HSPG2: variants seen among roughly 807,000 people sequenced by gnomAD.
The protein encoded by HSPG2 is basement membrane-specific heparan sulfate proteoglycan core protein.
HSPG2 carries 278 observed loss-of-function variants against 526.6 expected under a neutral mutation model. The observed-to-expected ratio is 0.53, with a 90% CI of 0.48 to 0.58. The LOEUF is 0.58. Ranked by LOEUF, HSPG2 falls within the 20% of genes least tolerant of loss-of-function variation. The probability of loss-of-function intolerance (pLI) is 0.00; values close to 1 mark genes in which losing one functional copy is unlikely to be tolerated. For synonymous variants in HSPG2, 2,465 were observed against 2,555.4 expected (o/e 0.96, Z 1.07); for missense variants, 5,354 against 6,099.5 (o/e 0.88, Z 4.07).
chr1:21,921,065 T>C (rs1644025678), intron 1 of HSPG2, among the ~76,000 whole-genome samples: 1 of 152,238 alleles, frequency 6.6e-6, no homozygotes, highest in Non-Finnish European at 1.5e-5. Flanking sequence ...TAACAATTGC[T>C]GCCATTCCCC....
In HSPG2 at chr1:21,844,300, C is replaced by T. The variant is rs777487595; in HGVS notation, c.8465-1G>A. ...CGGATGGGTGGGGCTCCACCTGGGG[C>T]TGGGGCACAGGGGAGAGGTCAGTGA... On this transcript the variant is annotated splice_acceptor_variant, in intron 64 of 96. Coordinates refer to ENST00000374695, the MANE Select transcript of HSPG2 (RefSeq NM_005529.7). LOFTEE classifies it high-confidence loss of function. The T allele has an allele frequency of 6.2e-7, 1 of 1,611,702 alleles. No homozygotes were observed. The highest frequency in any genetic ancestry group is 1.1e-5 in the South Asian group (1 of 90,988).
rs1349597305 is a variant in HSPG2 at position 21,875,263 on chromosome 1, G to A, written c.3303-261C>T. 8.3e-6 allele frequency: 5 copies of A among 600,688 alleles called. No homozygotes were observed. In the Admixed American group the frequency reaches 8.6e-5, roughly 10 times the overall value. The allele number at this position is 600,688 out of a possible 1,614,324, so 37.2% of individuals were successfully genotyped here. A position where few individuals can be genotyped will look rare whatever the true frequency, so the allele number is the denominator to read the frequency against. ...GGTCCCCAATGACAGGCTGATACAG[G>A]CTACAAGAGCCCACGGGCCTGAAAG... On this transcript the variant is annotated intron_variant, in intron 25 of 96. Coordinates refer to ENST00000374695, the MANE Select transcript of HSPG2 (RefSeq NM_005529.7).
Position 21,881,437 on chromosome 1 carries a change from C to A in HSPG2, c.1720G>T (p.Asp574Tyr), listed in dbSNP as rs763276473. The stretch of plus-strand genomic sequence containing the variant: ...AGCTGGAACTCGTGCAGGGATGGGT[C>A]GATCTGCAGCTGCGTGGAGGAGAGG... ...PPLSSTQLQI[D>Y]PSLHEFQLVD... Residue 574 changes from aspartate to tyrosine, a missense_variant, in exon 14 of 97, where the codon GAC (aspartate) becomes TAC (tyrosine). Transcript: ENST00000374695. 1.2e-6 allele frequency: 2 copies of A among 1,613,760 alleles called. No individual in the cohort carries two copies. Among genetic ancestry groups the A allele is most frequent in the Non-Finnish European group, 1.7e-6 (2 of 1,180,010 alleles).
intron 37 of HSPG2, 104 bp from the exon 38 acceptor site, chr1:21,862,219 A>T (rs1639844509): frequency 1.2e-5 from 15 of 1,289,184 alleles, no homozygotes; most frequent in Non-Finnish European, 1.4e-5. Context: ...TTGTGAACTC[A>T]TCTTAAAGAA....
Position 21,854,975 on chromosome 1 carries a change from T to C in HSPG2, c.6006A>G (p.Ser2002=), listed in dbSNP as rs984699512. Residue 2002 remains serine, a synonymous_variant, in exon 48 of 97, where the codon TCA becomes TCG. Coordinates refer to ENST00000374695, the MANE Select transcript of HSPG2 (RefSeq NM_005529.7). ...EGGSLPPQAR[S]ERTDIATLLI... is the part of the protein sequence containing the mutation. ...GCAGTGTCGCGATGTCTGTGCGCTC[T>C]GACCGGGCCTGCCGTGGGTGAGATG... The C allele has an allele frequency of 5.0e-6, 8 of 1,612,858 alleles. No individual in the cohort carries two copies. The Admixed American group carries it at 1.0e-4, about 20-fold the overall frequency.
chr1:21,841,067 G>C, intron 71 of HSPG2, 34 bp downstream of exon 71: 1 of 1,564,822 alleles, frequency 6.4e-7, no homozygotes, highest in Non-Finnish European at 8.7e-7. Context: ...CCATGGACTG[G>C]GCCTCAGACC....
chr1:21,835,640 A>G lies in HSPG2; in HGVS notation c.10356-3T>C, dbSNP rs111641374. The G allele has an allele frequency of 1.9e-6, 3 of 1,607,790 alleles. No homozygotes were observed. The highest frequency in any genetic ancestry group is 1.1e-5 in the South Asian group (1 of 90,910). On this transcript the variant is annotated splice_polypyrimidine_tract_variant and splice_region_variant and intron_variant, in intron 75 of 96. Coordinates refer to ENST00000374695, the MANE Select transcript of HSPG2 (RefSeq NM_005529.7). ...AGCTCTGGTCCAAGTTCTGGATTCTATAAAGAAAAAATAATAAGACATCAG... is the reference window on the plus strand; with the variant it reads ...AGCTCTGGTCCAAGTTCTGGATTCTGTAAAGAAAAAATAATAAGACATCAG...
At position 21,878,316 on chromosome 1, in the gene HSPG2, T is replaced by C. The variant is rs766332312; in HGVS notation, c.2618-63A>G. Reference sequence around the variant, plus strand: ...ATGGGATATACGTGGTCCGGGCAGATAGAGGAACAGTGGCTCCCCAAGGTT... The same window carrying C: ...ATGGGATATACGTGGTCCGGGCAGACAGAGGAACAGTGGCTCCCCAAGGTT... On this transcript the variant is annotated intron_variant, in intron 20 of 96. Transcript: ENST00000374695. 5 of 1,592,066 alleles carry C rather than the reference T, an allele frequency of 3.1e-6. No individual in the cohort carries two copies. The Admixed American group carries it at 5.2e-5, about 16-fold the overall frequency.
chr1:21,840,013 G>T lies in HSPG2; in HGVS notation c.9518C>A (p.Ser3173Ter). Reference protein sequence around the residue: ...LMDSHAVLQISSAKPSDAGTY... With the variant: ...LMDSHAVLQI Reference sequence around the variant, plus strand: ...GCCCGCATCTGATGGTTTAGCTGATGAAATCTGGGAGAAAGCAAGGAGGCT... The same window carrying T: ...GCCCGCATCTGATGGTTTAGCTGATTAAATCTGGGAGAAAGCAAGGAGGCT... The change falls in exon 72 of 97, where the codon TCA becomes TAA. Residue 3173 changes from serine (S) to a stop codon, truncating the protein, a stop_gained. Transcript: ENST00000374695. LOFTEE classifies it high-confidence loss of function. 1 of 1,614,204 alleles carries T rather than the reference G, an allele frequency of 6.2e-7. No individual in the cohort carries two copies. The highest frequency in any genetic ancestry group is 8.5e-7 in the Non-Finnish European group (1 of 1,180,038).
intron 33 of HSPG2, among the ~76,000 whole-genome samples, chr1:21,867,530 C>T (rs1297718779): frequency 1.3e-5 from 2 of 152,134 alleles, no homozygotes; most frequent in African/African-American, 4.8e-5. Context: ...AAAAGTAATA[C>T]CCACTTTGAA....
chr1:21,878,791 G>A, intron 18 of HSPG2, 128 bp from the exon 19 acceptor site: 1 of 1,181,226 alleles, frequency 8.5e-7, no homozygotes, highest in South Asian at 1.3e-5. Flanking sequence ...TCCCTGCCCG[G>A]CAGCCTCACA....
Position 21,822,396 on chromosome 1 carries a change from G to T in HSPG2, c.*920C>A. 1 of 641,978 alleles carries T rather than the reference G, an allele frequency of 1.6e-6. No homozygotes were observed. Among genetic ancestry groups the T allele is most frequent in the Non-Finnish European group, 2.8e-6 (1 of 360,368 alleles). 39.8% of individuals were successfully genotyped at this position (641,978 alleles called of 1,614,324 possible). A position where few individuals can be genotyped will look rare whatever the true frequency, so the allele number is the denominator to read the frequency against. ...TGGATCTTCAGGCTCCTGCAGATGGGGCAGGGTGGTCATATCCCCCTCCTC... is the reference window on the plus strand; with the variant it reads ...TGGATCTTCAGGCTCCTGCAGATGGTGCAGGGTGGTCATATCCCCCTCCTC... On this transcript the variant is annotated 3_prime_UTR_variant, in exon 97 of 97. Transcript: ENST00000374695.
rs780632606 is a variant in HSPG2, at chr1:21,839,070, G to A, written c.9905C>T (p.Thr3302Ile). 1 of 1,584,482 alleles carries A rather than the reference G, an allele frequency of 6.3e-7. No homozygotes were observed. The change falls in exon 74 of 97, where the codon ACC becomes ATC. Residue 3302 changes from threonine (T) to isoleucine (I), a missense_variant. Thr to Ile is a moderately conservative substitution (Grantham distance 89, BLOSUM62 -1). Coordinates refer to ENST00000374695, the MANE Select transcript of HSPG2 (RefSeq NM_005529.7). The surrounding 1 kb of genome is among the most constrained non-coding windows in gnomAD (Gnocchi z 4.5). ...CACCGAAGCGTGCTCTGGGACCGTGGTGGCATATGGTGGGCCTGAGTGGGG... is the reference window on the plus strand; with the variant it reads ...CACCGAAGCGTGCTCTGGGACCGTGATGGCATATGGTGGGCCTGAGTGGGG... Reference protein sequence around the residue: ...ILHVESPPYATTVPEHASVQA... With the variant: ...ILHVESPPYAITVPEHASVQA...
At position 21,824,102 on chromosome 1, in the gene HSPG2, G is replaced by A. The variant is rs1229941340; in HGVS notation, c.12899+19C>T. 1 of 1,607,542 alleles carries A rather than the reference G, an allele frequency of 6.2e-7. No individual in the cohort carries two copies. The highest frequency in any genetic ancestry group is 2.2e-5 in the East Asian group (1 of 44,800). On this transcript the variant is annotated intron_variant, in intron 95 of 96. Transcript: ENST00000374695. The surrounding 1 kb of genome is among the most constrained non-coding windows in gnomAD (Gnocchi z 5.9). Reference sequence around the variant, plus strand: ...CAGAACGCTGGGCCCCATCCCGAGTGCCCGGCAGGGTCCCTTACCGCAGTG... The same window carrying A: ...CAGAACGCTGGGCCCCATCCCGAGTACCCGGCAGGGTCCCTTACCGCAGTG...
rs762381842 is a variant in HSPG2, at chr1:21,839,031, G to A, written c.9944C>T (p.Thr3315Met). The change falls in exon 74 of 97, where the codon ACG (threonine) becomes ATG (methionine). Residue 3315 changes from threonine to methionine, a missense_variant. By Grantham distance (81) the Thr-to-Met change is moderately conservative. Coordinates refer to ENST00000374695, the MANE Select transcript of HSPG2 (RefSeq NM_005529.7). This position sits in a 1 kb window ranked among gnomAD's most constrained non-coding sequence, Gnocchi z 4.5. ...GTGAGCCAGGCACTGGAGCTGCACCGTCTCCCCTGCCTGCACCGAAGCGTG... is the reference window on the plus strand; with the variant it reads ...GTGAGCCAGGCACTGGAGCTGCACCATCTCCCCTGCCTGCACCGAAGCGTG... ...PEHASVQAGETVQLQCLAHGT... is the reference protein window; with the variant it reads ...PEHASVQAGEMVQLQCLAHGT... 4.8e-5 allele frequency: 77 copies of A among 1,602,834 alleles called. No individual in the cohort carries two copies. Among genetic ancestry groups the A allele is most frequent in the Non-Finnish European group, 6.1e-5 (72 of 1,171,202 alleles).
intron 1 of HSPG2, among the ~76,000 whole-genome samples, chr1:21,929,910 C>A (rs11588520): frequency 0.013 from 1,909 of 152,284 alleles, 34 homozygotes; most frequent in African/African-American, 0.044. Flanking sequence ...TCCTGGGTCA[C>A]GGCCTCCTTG....
Position 21,885,007 on chromosome 1 carries a change from C to A in HSPG2, c.1355+6G>T. The stretch of plus-strand genomic sequence containing the variant: ...CCCACCCCACCACCTGGGCCCAGAG[C>A]CGCACCTGGGATGAGAGGGGATGTG... On this transcript the variant is annotated splice_donor_region_variant and intron_variant, in intron 11 of 96. Transcript: ENST00000374695. 2 of 1,613,866 alleles carry A rather than the reference C, an allele frequency of 1.2e-6. No homozygotes were observed. Among genetic ancestry groups the A allele is most frequent in the Non-Finnish European group, 8.5e-7 (1 of 1,179,992 alleles).
chr1:21,868,124 C>T (rs892629099), intron 33 of HSPG2, among the ~76,000 whole-genome samples: 4 of 151,972 alleles, frequency 2.6e-5, no homozygotes, highest in South Asian at 2.1e-4. Context: ...CTGCAACCTC[C>T]GCCTCCCAGG....
rs144868090 is a variant in HSPG2 at position 21,924,985 on chromosome 1, C to A, written c.63+12170G>T. On this transcript the variant is annotated intron_variant, in intron 1 of 96. Transcript: ENST00000374695. ...TGTCTGGACTTTGAGTTGTGTTGGG[C>A]ACTTATAGCTTACGAGTCCTGCCTC... is the stretch of plus-strand genomic sequence containing the variant. 1.4e-3 allele frequency among the ~76,000 whole-genome samples: 214 copies of A among 152,310 alleles called. 3 individuals carry two copies. The East Asian group carries it at 0.034, about 24-fold the overall frequency.
Sources: allele counts gnomAD v4.1 joint callset (sites outside exome capture counted in the v4.1 genomes callset), GRCh38; gene constraint gnomAD v4.1.1; non-coding constraint Gnocchi (gnomAD v3.1); transcripts MANE v1.5; gene names NCBI Gene and HGNC (gene_info 2026-07-23, HGNC 2026-07-21).